The following ATG14 variants were observed in gnomAD, a reference collection of about 807,000 sequenced individuals.
ATG14 encodes the protein beclin 1-associated autophagy-related key regulator.
In ATG14, 35 loss-of-function variants were observed where a neutral mutation model predicts 60.4. The observed-to-expected ratio is 0.58, with a 90% CI of 0.44 to 0.77. The LOEUF (loss-of-function observed/expected upper bound fraction) is 0.77, where lower values mean the gene tolerates loss of function less well. Among genes scored for constraint, ATG14 ranks in the 30% least tolerant of loss-of-function variants. The pLI is 0.00. For synonymous variants in ATG14, 234 were observed against 228.8 expected, an observed-to-expected ratio of 1.02 and a Z score of -0.21; for missense variants, 647 against 626.3, an observed-to-expected ratio of 1.03 and a Z score of -0.35.
At chr14:55,388,080 T>C (rs1421880058) in intron 4 of ATG14, among the ~76,000 whole-genome samples, 1 of 151,950 alleles carries the variant, frequency 6.6e-6, no homozygotes, top group African/African-American at 2.4e-5. Context: ...AAGGTTGCAG[T>C]GAGCCGAGAT....
chr14:55,401,611 T>A (rs554790738), intron 1 of ATG14, among the ~76,000 whole-genome samples: 4 of 152,366 alleles, frequency 2.6e-5, no homozygotes, highest in Admixed American at 2.6e-4. Flanking sequence ...ATGAACTTTG[T>A]TGTTTCATAA....
intron 3 of ATG14, among the ~76,000 whole-genome samples, chr14:55,393,138 T>G (rs959463379): frequency 6.6e-6 from 1 of 152,100 alleles, no homozygotes; most frequent in Non-Finnish European, 1.5e-5. Flanking sequence ...TCCCAGCACT[T>G]TGGGAGGCCA....
chr14:55,393,201 G>A (rs918004670), intron 3 of ATG14, among the ~76,000 whole-genome samples: 3 of 148,384 alleles, frequency 2.0e-5, no homozygotes, highest in Admixed American at 6.8e-5. Context: ...CTAACACGGT[G>A]AAACCCCGTC....
intron 9 of ATG14, 72 bp from the exon 10 acceptor site, chr14:55,369,997 GA>G: frequency 6.8e-7 from 1 of 1,472,264 alleles, no homozygotes; most frequent in Non-Finnish European, 9.2e-7. Flanking sequence ...CCATCTTCCT[GA>G]AGGCCCTCAC....
chr14:55,411,339 T>C (rs1029927571), intron 1 of ATG14, among the ~76,000 whole-genome samples: 21 of 152,224 alleles, frequency 1.4e-4, no homozygotes, highest in African/African-American at 5.1e-4. Flanking sequence ...CACTTATTCC[T>C]TTTTTCCCCA....
chr14:55,409,006 C>T (rs1222515288), intron 1 of ATG14, among the ~76,000 whole-genome samples: 1 of 152,164 alleles, frequency 6.6e-6, no homozygotes, highest in East Asian at 1.9e-4. Flanking sequence ...ATCTTATTTA[C>T]ATTTCTATTG....
chr14:55,393,363 T>C (rs749757753), intron 3 of ATG14, among the ~76,000 whole-genome samples: 4 of 150,712 alleles, frequency 2.7e-5, no homozygotes, highest in Admixed American at 6.6e-5. Context: ...CCAGCCTGGG[T>C]GACAGAGCGA....
chr14:55,407,366 T>C (rs1375285614), intron 1 of ATG14, among the ~76,000 whole-genome samples: 1 of 152,136 alleles, frequency 6.6e-6, no homozygotes, highest in Non-Finnish European at 1.5e-5. Context: ...CTTGACCTTG[T>C]AATCTGCCCG....
chr14:55,389,735 T>C (rs1885182451), intron 4 of ATG14, among the ~76,000 whole-genome samples: 1 of 152,236 alleles, frequency 6.6e-6, no homozygotes, highest in South Asian at 2.1e-4. Flanking sequence ...AAAACTGCTC[T>C]TGGAGTTATT....
chr14:55,394,533 T>C (rs767526766), intron 3 of ATG14, among the ~76,000 whole-genome samples: 1 of 152,196 alleles, frequency 6.6e-6, no homozygotes, highest in African/African-American at 2.4e-5. Context: ...CTGTTACGCA[T>C]GTCCCACCAA....
chr14:55,392,411 G>A (rs939424246), intron 3 of ATG14, among the ~76,000 whole-genome samples: 2 of 152,140 alleles, frequency 1.3e-5, no homozygotes, highest in African/African-American at 4.8e-5. Flanking sequence ...ACTTTGGGAA[G>A]CTGAGGCAGG....
rs770194612 is a variant in ATG14, at chr14:55,369,701, G to A, written c.1397C>T (p.Ala466Val). Residue 466 changes from alanine to valine, a missense_variant, in exon 10 of 10, where the codon GCG becomes GTG. Transcript: ENST00000247178. ...GATCATCCCACCTGCACTGCTGCTCGCGATGGGTGGGGACGCCTGGGTGCT... is the reference window on the plus strand; with the variant it reads ...GATCATCCCACCTGCACTGCTGCTCACGATGGGTGGGGACGCCTGGGTGCT... ...SQSTQASPPI[A>V]SSSAGGMISS... 1.7e-5 allele frequency: 27 copies of A among 1,607,348 alleles called. No homozygotes were observed. The Admixed American group carries it at 1.8e-4, about 11-fold the overall frequency.
At chr14:55,395,842 A>C in intron 3 of ATG14, 98 bp downstream of exon 3, 1 of 900,524 alleles carries the variant, frequency 1.1e-6, no homozygotes, top group Non-Finnish European at 1.6e-6. Flanking sequence ...GGACTGCTAA[A>C]TACGATTTTT....
intron 1 of ATG14, among the ~76,000 whole-genome samples, chr14:55,398,540 A>G (rs80260696): frequency 0.029 from 4,376 of 152,256 alleles, 90 homozygotes; most frequent in Non-Finnish European, 0.039. Context: ...ATTTAGAAGC[A>G]TATTGTTTAA....
intron 3 of ATG14, chr14:55,395,250 G>T: frequency 2.8e-6 from 1 of 351,208 alleles, no homozygotes. Context: ...TGCAGGGAAG[G>T]CGTGTGCCAA....
Position 55,411,645 on chromosome 14 carries a change from G to C in ATG14, c.178C>G (p.Gln60Glu). The C allele has an allele frequency of 6.2e-7, 1 of 1,613,362 alleles. No individual in the cohort carries two copies. The highest frequency in any genetic ancestry group is 8.5e-7 in the Non-Finnish European group (1 of 1,179,906). The part of the protein sequence containing the change: ...RRRLTCAKCV[Q>E]SGDFVYFDGR... ...TCGAAGTAGACGAAATCGCCGCTCT[G>C]AACGCATTTGGCGCAGGTCAGCCGC... The change falls in exon 1 of 10, where the codon CAG becomes GAG. Residue 60 changes from glutamine to glutamate, a missense_variant. By Grantham distance (29) the Gln-to-Glu change is conservative. Coordinates refer to ENST00000247178, the MANE Select transcript of ATG14 (RefSeq NM_014924.5).
At chr14:55,395,453 A>G (rs1885298282) in intron 3 of ATG14, among the ~76,000 whole-genome samples, 1 of 152,204 alleles carries the variant, frequency 6.6e-6, no homozygotes, top group African/African-American at 2.4e-5. Context: ...CCCGGGTTCA[A>G]GTGATTCTCC....
intron 5 of ATG14, 76 bp from the exon 6 acceptor site, chr14:55,382,267 C>T: frequency 2.2e-6 from 3 of 1,337,166 alleles, no homozygotes; most frequent in Non-Finnish European, 3.2e-6. Context: ...GCAAGACATG[C>T]TAGAACATCG....
At chr14:55,381,821 A>T in intron 6 of ATG14, 141 bp downstream of exon 6, 1 of 674,556 alleles carries the variant, frequency 1.5e-6, no homozygotes, top group Non-Finnish European at 2.5e-6. Flanking sequence ...TTTTGAAATG[A>T]CATGGAGGTG....
Sources: allele counts gnomAD v4.1 joint callset (sites outside exome capture counted in the v4.1 genomes callset), GRCh38; gene constraint gnomAD v4.1.1; transcripts MANE v1.5; gene names NCBI Gene and HGNC (gene_info 2026-07-23, HGNC 2026-07-21).